Variants in AGTR1 observed in about 807,000 individuals in gnomAD.
AGTR1 encodes type-1 angiotensin II receptor.
Under a neutral mutation model 19.4 loss-of-function variants are expected in AGTR1, and 16 were observed. That is an observed-to-expected ratio of 0.82 (90% CI 0.56 to 1.25). The LOEUF (loss-of-function observed/expected upper bound fraction) is 1.25, where lower values mean the gene tolerates loss of function less well. AGTR1 is among the 50% of genes most tolerant of loss of function. AGTR1 has a pLI of 0.00. For missense variants in AGTR1, 373 were observed against 431.9 expected (o/e 0.86, Z 1.21); for synonymous variants, 153 against 154.9 (o/e 0.99, Z 0.09).
Position 148,741,976 on chromosome 3 carries a change from T to G in AGTR1, c.941T>G (p.Leu314Arg), listed in dbSNP as rs199541646. Residue 314 changes from leucine (L) to arginine (R), a missense_variant, in exon 3 of 3, where the codon CTC (leucine) becomes CGC (arginine). By Grantham distance (102) the Leu-to-Arg change is moderately radical. Coordinates refer to ENST00000349243, the MANE Select transcript of AGTR1 (RefSeq NM_000685.5). Reference sequence around the variant, plus strand: ...GGGAAAAAATTTAAAAGATATTTTCTCCAGCTTCTAAAATATATTCCCCCA... The same window carrying G: ...GGGAAAAAATTTAAAAGATATTTTCGCCAGCTTCTAAAATATATTCCCCCA... ...FLGKKFKRYFLQLLKYIPPKA... is the reference protein window; with the variant it reads ...FLGKKFKRYFRQLLKYIPPKA... 101 of 1,613,600 alleles carry G rather than the reference T, an allele frequency of 6.3e-5. No homozygotes were observed. The highest frequency in any genetic ancestry group is 7.9e-5 in the Non-Finnish European group (93 of 1,179,952).
intron 2 of AGTR1, among the ~76,000 whole-genome samples, chr3:148,733,704 TA>T (rs1461855115): frequency 2.0e-5 from 3 of 152,224 alleles, no homozygotes; most frequent in African/African-American, 7.2e-5. Context: ...GCTGAGATAC[TA>T]ATCCATTGAA....
At chr3:148,701,648 T>C (rs1712348419) in intron 1 of AGTR1, among the ~76,000 whole-genome samples, 1 of 152,230 alleles carries the variant, frequency 6.6e-6, no homozygotes, top group Admixed American at 6.5e-5. Context: ...AGAATGTTTT[T>C]ATTGTGTTGT....
chr3:148,739,699 G>A (rs981413375), intron 2 of AGTR1: 4 of 1,118,944 alleles, frequency 3.6e-6, no homozygotes, highest in East Asian at 3.2e-5. Context: ...GCACCAAAGT[G>A]AACACTACTC....
intron 2 of AGTR1, chr3:148,740,012 G>A (rs1714782489): frequency 1.2e-5 from 15 of 1,205,384 alleles, no homozygotes; most frequent in African/African-American, 4.7e-5. Flanking sequence ...CTGATGGACT[G>A]TTATCCAGGG....
At chr3:148,707,523 A>T (rs1459448803) in intron 1 of AGTR1, among the ~76,000 whole-genome samples, 1 of 152,236 alleles carries the variant, frequency 6.6e-6, no homozygotes, top group Admixed American at 6.5e-5. Context: ...TAAAATGTGC[A>T]TAAGCTTTAT....
chr3:148,741,451 G>A lies in AGTR1; in HGVS notation c.416G>A (p.Arg139Gln), dbSNP rs760594254. The A allele has an allele frequency of 1.2e-5, 19 of 1,610,296 alleles. No individual in the cohort carries two copies. The highest frequency in any genetic ancestry group is 1.7e-4 in the Middle Eastern group (1 of 6,058). Residue 139 changes from arginine to glutamine, a missense_variant, in exon 3 of 3, where the codon CGA becomes CAA. By Grantham distance (43) the Arg-to-Gln change is conservative. Transcript: ENST00000349243. Reference sequence around the variant, plus strand: ...GTTCACCCAATGAAGTCCCGCCTTCGACGCACAATGCTTGTAGCCAAAGTC... The same window carrying A: ...GTTCACCCAATGAAGTCCCGCCTTCAACGCACAATGCTTGTAGCCAAAGTC... ...AIVHPMKSRLRRTMLVAKVTC... is the reference protein window; with the variant it reads ...AIVHPMKSRLQRTMLVAKVTC...
At chr3:148,714,919 AT>A (rs1713204035) in intron 2 of AGTR1, among the ~76,000 whole-genome samples, 1 of 152,188 alleles carries the variant, frequency 6.6e-6, no homozygotes, top group African/African-American at 2.4e-5. Context: ...CCACTAGATT[AT>A]TTTTAATGAA....
At position 148,702,712 on chromosome 3, in the gene AGTR1, T is replaced by A. The variant is rs1336423099; in HGVS notation, c.-132+4585T>A. 2.0e-5 allele frequency among the ~76,000 whole-genome samples: 3 copies of A among 152,180 alleles called. No individual in the cohort carries two copies. In the East Asian group the frequency reaches 5.8e-4, roughly 29 times the overall value. On this transcript the variant is annotated intron_variant, in intron 1 of 2. Transcript: ENST00000349243. The stretch of plus-strand genomic sequence containing the variant: ...TTTCCCCTCCTCGTGAGATTATAAC[T>A]CCTTTGACAGTATGGATGGCACCTA...
chr3:148,705,294 A>G (rs12721308), intron 1 of AGTR1, among the ~76,000 whole-genome samples: 2,799 of 152,308 alleles, frequency 0.018, 57 homozygotes, highest in African/African-American at 0.062. Context: ...TAACAACTTT[A>G]TCAGCACATA....
intron 2 of AGTR1, among the ~76,000 whole-genome samples, chr3:148,710,843 T>A (rs1712941667): frequency 6.6e-6 from 1 of 152,116 alleles, no homozygotes; most frequent in African/African-American, 2.4e-5. Flanking sequence ...CATGAATGGC[T>A]TGGTGCCCTC....
Position 148,741,454 on chromosome 3 carries a change from G to T in AGTR1, c.419G>T (p.Arg140Leu). ...CACCCAATGAAGTCCCGCCTTCGAC[G>T]CACAATGCTTGTAGCCAAAGTCACC... ...IVHPMKSRLRRTMLVAKVTCI... is the reference protein window; with the variant it reads ...IVHPMKSRLRLTMLVAKVTCI... Residue 140 changes from arginine to leucine, a missense_variant, in exon 3 of 3, where the codon CGC becomes CTC. Transcript: ENST00000349243. 1.2e-6 allele frequency: 2 copies of T among 1,610,930 alleles called. No individual in the cohort carries two copies. The highest frequency in any genetic ancestry group is 8.5e-7 in the Non-Finnish European group (1 of 1,179,882).
intron 1 of AGTR1, among the ~76,000 whole-genome samples, chr3:148,700,794 A>G (rs1712293124): frequency 6.6e-6 from 1 of 152,230 alleles, no homozygotes; most frequent in African/African-American, 2.4e-5. Flanking sequence ...AAACTGACAA[A>G]TCAGCTTTCC....
intron 2 of AGTR1, among the ~76,000 whole-genome samples, chr3:148,722,930 G>A (rs1713727822): frequency 6.6e-6 from 1 of 152,176 alleles, no homozygotes; most frequent in African/African-American, 2.4e-5. Context: ...ATTAACCAAA[G>A]TATACATGTC....
chr3:148,717,704 A>C (rs1015150318), intron 2 of AGTR1, among the ~76,000 whole-genome samples: 22 of 152,202 alleles, frequency 1.4e-4, no homozygotes, highest in Non-Finnish European at 4.4e-5. Context: ...GAAAATTGTT[A>C]ATTCATATGC....
intron 2 of AGTR1, among the ~76,000 whole-genome samples, chr3:148,708,410 G>A (rs7634874): frequency 0.059 from 8,984 of 152,154 alleles, 318 homozygotes; most frequent in Middle Eastern, 0.14. Context: ...CTTCCTGGGC[G>A]ATTTGGGTTC....
chr3:148,740,972 AT>A lies in AGTR1; in HGVS notation c.-47-12del. ...ATAAGAATTTTTTCTTTACCATTTT[AT>A]TTTTATTTTCCCCAGGTGTATTTGA... is the stretch of plus-strand genomic sequence containing the variant. On this transcript the variant is annotated splice_polypyrimidine_tract_variant and intron_variant, in intron 2 of 2. Coordinates refer to ENST00000349243, the MANE Select transcript of AGTR1 (RefSeq NM_000685.5). 1.3e-6 allele frequency: 2 copies of A among 1,593,768 alleles called. No individual in the cohort carries two copies. Among genetic ancestry groups the A allele is most frequent in the South Asian group, 1.1e-5 (1 of 87,426 alleles).
chr3:148,736,508 A>T (rs1714578273), intron 2 of AGTR1, among the ~76,000 whole-genome samples: 2 of 152,254 alleles, frequency 1.3e-5, no homozygotes, highest in Admixed American at 6.5e-5. Flanking sequence ...AAATAATAGT[A>T]AAGATTCAAG....
At chr3:148,725,154 T>C (rs906725190) in intron 2 of AGTR1, among the ~76,000 whole-genome samples, 1 of 152,192 alleles carries the variant, frequency 6.6e-6, no homozygotes, top group Non-Finnish European at 1.5e-5. Context: ...AGGGGAGCTG[T>C]AGGCAACAAA....
chr3:148,730,306 G>A (rs1648250283), intron 2 of AGTR1: 3 of 397,270 alleles, frequency 7.6e-6, no homozygotes, highest in South Asian at 1.3e-4. Flanking sequence ...CTTAACTCTG[G>A]TTGTCACCTG....
Sources: allele counts gnomAD v4.1 joint callset (sites outside exome capture counted in the v4.1 genomes callset), GRCh38; gene constraint gnomAD v4.1.1; transcripts MANE v1.5; gene names NCBI Gene and HGNC (gene_info 2026-07-23, HGNC 2026-07-21).